The following SH3D19 variants were observed in gnomAD, a reference collection of about 807,000 sequenced individuals.
The protein encoded by SH3D19 is SH3 domain containing 19, also known as SH3 domain-containing protein 19.
SH3D19 carries 58 observed loss-of-function variants against 112.1 expected under a neutral mutation model. That is an observed-to-expected ratio of 0.52 (90% CI 0.42 to 0.64). The LOEUF is 0.64. Among genes scored for constraint, SH3D19 ranks in the 30% least tolerant of loss-of-function variants. The pLI is 0.00. For missense variants in SH3D19, 1,090 were observed against 1,263.4 expected (o/e 0.86, Z 2.08); for synonymous variants, 391 against 448.5 (o/e 0.87, Z 1.62).
chr4:151,152,006 G>A (rs1370942607), intron 9 of SH3D19, among the ~76,000 whole-genome samples: 1 of 152,054 alleles, frequency 6.6e-6, no homozygotes, highest in East Asian at 1.9e-4. Flanking sequence ...TTTTTCCTGG[G>A]GGGTGGTATT....
intron 2 of SH3D19, among the ~76,000 whole-genome samples, chr4:151,212,807 T>C (rs2149910655): frequency 6.6e-6 from 1 of 152,326 alleles, no homozygotes; most frequent in Admixed American, 6.5e-5. Context: ...CCATAGATAG[T>C]AATTCCTCTG....
chr4:151,290,454 T>C (rs1187320325), intron 1 of SH3D19, among the ~76,000 whole-genome samples: 2 of 152,182 alleles, frequency 1.3e-5, no homozygotes, highest in Non-Finnish European at 2.9e-5. Flanking sequence ...AGATATTACA[T>C]GATTCCATTT....
intron 14 of SH3D19, among the ~76,000 whole-genome samples, chr4:151,136,584 G>GATA (rs72529266): frequency 6.6e-6 from 1 of 151,968 alleles, no homozygotes; most frequent in Non-Finnish European, 1.5e-5. Context: ...GTGCCTTCTT[G>GATA]AATTTTAAAG....
chr4:151,213,173 C>A (rs1418722812), intron 2 of SH3D19, among the ~76,000 whole-genome samples: 1 of 152,158 alleles, frequency 6.6e-6, no homozygotes, highest in Non-Finnish European at 1.5e-5. Context: ...GTTGAAACGA[C>A]AACAAAGGAT....
intron 1 of SH3D19, among the ~76,000 whole-genome samples, chr4:151,317,108 C>G (rs946028966): frequency 6.6e-6 from 1 of 152,158 alleles, no homozygotes; most frequent in Non-Finnish European, 1.5e-5. Context: ...ACAACTTATG[C>G]CAATGTAACT....
intron 1 of SH3D19, chr4:151,226,329 T>C: frequency 8.6e-7 from 1 of 1,167,540 alleles, no homozygotes; most frequent in Non-Finnish European, 1.1e-6. Flanking sequence ...CATCATTACA[T>C]GCATTATTTC....
chr4:151,216,450 A>C (rs185331565), intron 2 of SH3D19, among the ~76,000 whole-genome samples: 159 of 152,340 alleles, frequency 1.0e-3, no homozygotes, highest in African/African-American at 3.6e-3. Flanking sequence ...ACTTGACTAC[A>C]GGCTGTTTAA....
chr4:151,152,070 A>C (rs1302133169), intron 9 of SH3D19, among the ~76,000 whole-genome samples: 1 of 152,194 alleles, frequency 6.6e-6, no homozygotes, highest in Admixed American at 6.5e-5. Flanking sequence ...ACAGTAAGAA[A>C]ATTTTAAATC....
intron 2 of SH3D19, among the ~76,000 whole-genome samples, chr4:151,205,013 GT>G (rs1460535165): frequency 2.6e-5 from 4 of 152,028 alleles, no homozygotes; most frequent in African/African-American, 9.7e-5. Context: ...TAGAGACAGG[GT>G]TTCACCATGT....
intron 2 of SH3D19, among the ~76,000 whole-genome samples, chr4:151,220,428 T>G (rs564801251): frequency 3.9e-5 from 6 of 152,200 alleles, no homozygotes; most frequent in Admixed American, 1.3e-4. Flanking sequence ...CTTCTTTTTT[T>G]GCTGCTGTAA....
intron 2 of SH3D19, among the ~76,000 whole-genome samples, chr4:151,213,888 T>G (rs1766421704): frequency 6.6e-6 from 1 of 151,062 alleles, no homozygotes; most frequent in Non-Finnish European, 1.5e-5. Context: ...TTTATTTTTA[T>G]TGATCATTCT....
chr4:151,270,043 G>A (rs2897616), intron 1 of SH3D19, among the ~76,000 whole-genome samples: 10,463 of 151,936 alleles, frequency 0.069, 1,167 homozygotes, highest in African/African-American at 0.24. Flanking sequence ...CCTGCCTAAA[G>A]CTGTTTTGCA....
intron 10 of SH3D19, 68 bp from the exon 11 acceptor site, chr4:151,148,254 TAC>T (rs34219685): frequency 0.1 from 96,384 of 966,666 alleles, 1,783 homozygotes; most frequent in African/African-American, 0.26. Context: ...TGTCCTGTCT[TAC>T]ACACACACAC....
At chr4:151,189,541 G>A (rs1184965997) in intron 2 of SH3D19, among the ~76,000 whole-genome samples, 2 of 152,138 alleles carry the variant, frequency 1.3e-5, no homozygotes, top group African/African-American at 4.8e-5. Flanking sequence ...TTGAATTATG[G>A]GGGCAGGTTT....
chr4:151,242,527 T>G (rs1770644979), intron 1 of SH3D19, among the ~76,000 whole-genome samples: 1 of 152,146 alleles, frequency 6.6e-6, no homozygotes, highest in South Asian at 2.1e-4. Flanking sequence ...ATGATCCAGG[T>G]GGCTTTTCAG....
intron 8 of SH3D19, among the ~76,000 whole-genome samples, chr4:151,162,201 C>T (rs1757280980): frequency 6.6e-6 from 1 of 151,214 alleles, no homozygotes. Context: ...TCCCTGTGTC[C>T]ACGTGTTCTC....
At chr4:151,259,087 G>A (rs1244845194) in intron 1 of SH3D19, among the ~76,000 whole-genome samples, 1 of 152,062 alleles carries the variant, frequency 6.6e-6, no homozygotes, top group Admixed American at 6.5e-5. Flanking sequence ...GGTCTAGGCT[G>A]CAGTATGCTA....
intron 1 of SH3D19, among the ~76,000 whole-genome samples, chr4:151,285,941 T>C (rs1284415048): frequency 6.6e-5 from 10 of 151,086 alleles, no homozygotes; most frequent in Admixed American, 4.6e-4. Context: ...ATACCTGTAA[T>C]CGCAGCACTT....
chr4:151,127,744 T>A, intron 18 of SH3D19, 29 bp from the exon 19 acceptor site: 1 of 1,360,252 alleles, frequency 7.4e-7, no homozygotes, highest in Non-Finnish European at 1.0e-6. Context: ...TTTAAATATA[T>A]AGAAACACAG....
Sources: allele counts gnomAD v4.1 joint callset (sites outside exome capture counted in the v4.1 genomes callset), GRCh38; gene constraint gnomAD v4.1.1; transcripts MANE v1.5; gene names NCBI Gene and HGNC (gene_info 2026-07-23, HGNC 2026-07-21).